The following NFIA variants were observed in gnomAD, a reference collection of about 807,000 sequenced individuals.
The protein encoded by NFIA is nuclear factor I A.
Under a neutral mutation model 62.8 loss-of-function variants are expected in NFIA, and 8 were observed. That is an observed-to-expected ratio of 0.13 (90% CI 0.07 to 0.23). The LOEUF is 0.23. Ranked by LOEUF, NFIA falls within the 10% of genes least tolerant of loss-of-function variation. NFIA has a pLI of 1.00. For missense variants in NFIA, 410 were observed against 642.1 expected, an observed-to-expected ratio of 0.64 and a Z score of 3.91; for synonymous variants, 235 against 238.1, an observed-to-expected ratio of 0.99 and a Z score of 0.12.
At chr1:61,093,777 G>C (rs942719245) in intron 2 of NFIA, among the ~76,000 whole-genome samples, 7 of 152,220 alleles carry the variant, frequency 4.6e-5, no homozygotes, top group African/African-American at 1.4e-4. Context: ...CTAAGAGGTT[G>C]AGTGTGTTGG....
At chr1:61,279,475 A>ATT (rs1280933130) in intron 3 of NFIA, among the ~76,000 whole-genome samples, 1 of 150,248 alleles carries the variant, frequency 6.7e-6, no homozygotes, top group Admixed American at 6.6e-5. Flanking sequence ...TTTTGTTGAC[A>ATT]TTTTAAAGAG....
Position 61,461,753 on chromosome 1 carries a change from C to G in NFIA, c.*6433C>G, listed in dbSNP as rs1668538941. 6.6e-6 allele frequency: 1 copy of G among 152,322 alleles called. No homozygotes were observed. Among genetic ancestry groups the G allele is most frequent in the African/African-American group, 2.4e-5 (1 of 41,576 alleles). The allele number at this position is 152,322 out of a possible 1,614,324, so 9.4% of individuals were successfully genotyped here. On this transcript the variant is annotated 3_prime_UTR_variant, in exon 11 of 11. Coordinates refer to ENST00000403491, the MANE Select transcript of NFIA (RefSeq NM_001134673.4). The stretch of plus-strand genomic sequence containing the variant: ...ACTTTCCCAAAATGTGTCTGAACCA[C>G]AAGAGCATACAGTGGAAGTGCTACC...
rs1332662105 is a variant in NFIA at position 61,196,919 on chromosome 1, G to A, written c.560-80601G>A. 3.5e-5 allele frequency among the ~76,000 whole-genome samples: 5 copies of A among 143,382 alleles called. No individual in the cohort carries two copies. In the South Asian group the frequency reaches 6.4e-4, roughly 18 times the overall value. 94.1% of individuals were successfully genotyped at this position (143,382 alleles called of 152,430 possible). A position where few individuals can be genotyped will look rare whatever the true frequency, so the allele number is the denominator to read the frequency against. Reference sequence around the variant, plus strand: ...AAGGAGTGTGTGTGTGTGTGTGTGTGTGTGTGTGTGTGTGTGTGTGTGCGC... The same window carrying A: ...AAGGAGTGTGTGTGTGTGTGTGTGTATGTGTGTGTGTGTGTGTGTGTGCGC... On this transcript the variant is annotated intron_variant, in intron 2 of 10. Coordinates refer to ENST00000403491, the MANE Select transcript of NFIA (RefSeq NM_001134673.4).
chr1:61,312,674 T>C (rs564094419), intron 3 of NFIA, among the ~76,000 whole-genome samples: 2 of 152,172 alleles, frequency 1.3e-5, no homozygotes, highest in Admixed American at 1.3e-4. Context: ...TAATTGTTTG[T>C]ATTTTTTATT....
At chr1:61,358,339 AG>A (rs1663074166) in intron 5 of NFIA, among the ~76,000 whole-genome samples, 2 of 143,394 alleles carry the variant, frequency 1.4e-5, no homozygotes, top group Non-Finnish European at 3.1e-5. Context: ...AGAAAAAAAA[AG>A]CAATCCAAAC....
intron 1 of NFIA, among the ~76,000 whole-genome samples, chr1:61,083,781 A>ACCACCG (rs1432211357): frequency 4.7e-5 from 7 of 149,724 alleles, no homozygotes; most frequent in East Asian, 2.0e-4. Flanking sequence ...CGCCACCACC[A>ACCACCG]CCACCGCCAC....
chr1:61,091,851 T>G (rs1415307676), intron 2 of NFIA, among the ~76,000 whole-genome samples: 1 of 148,472 alleles, frequency 6.7e-6, no homozygotes, highest in Non-Finnish European at 1.5e-5. Context: ...GAGTTGTTGT[T>G]TTTTTTTTTT....
At chr1:61,407,331 G>C (rs991496097) in intron 9 of NFIA, among the ~76,000 whole-genome samples, 1 of 152,156 alleles carries the variant, frequency 6.6e-6, no homozygotes, top group African/African-American at 2.4e-5. Flanking sequence ...GAGTAGGATG[G>C]AAGGAGGAGA....
At chr1:61,375,880 CCT>C (rs1385260074) in intron 6 of NFIA, among the ~76,000 whole-genome samples, 1 of 152,158 alleles carries the variant, frequency 6.6e-6, no homozygotes, top group African/African-American at 2.4e-5. Context: ...CACCATTTCC[CCT>C]GTTTCTTCAC....
chr1:61,186,119 T>C (rs1405315905), intron 2 of NFIA, among the ~76,000 whole-genome samples: 1 of 152,196 alleles, frequency 6.6e-6, no homozygotes, highest in East Asian at 1.9e-4. Flanking sequence ...AGAATTGTAT[T>C]ATAAAATACA....
intron 5 of NFIA, among the ~76,000 whole-genome samples, chr1:61,355,784 G>A (rs1026467711): frequency 9.2e-5 from 14 of 152,130 alleles, no homozygotes; most frequent in Middle Eastern, 3.4e-3. Context: ...ACAAGGTCTC[G>A]CTATGTTGCC....
intron 3 of NFIA, among the ~76,000 whole-genome samples, chr1:61,285,613 T>TC (rs1658437146): frequency 6.6e-6 from 1 of 152,136 alleles, no homozygotes; most frequent in African/African-American, 2.4e-5. Flanking sequence ...GCAACTCTTT[T>TC]CCCCCTGGCA....
In NFIA at chr1:61,455,702, C is replaced by G. The variant is rs1447698072; in HGVS notation, c.*382C>G. ...CTTTCCTTACGGAGCCTGGCTGTTT[C>G]ACAGTATTTCATGAATTTACCCACA... On this transcript the variant is annotated 3_prime_UTR_variant, in exon 11 of 11. Transcript: ENST00000403491. 1.1e-5 allele frequency: 3 copies of G among 283,542 alleles called. No individual in the cohort carries two copies. Among genetic ancestry groups the G allele is most frequent in the Non-Finnish European group, 6.5e-6 (1 of 154,346 alleles). 17.6% of individuals were successfully genotyped at this position (283,542 alleles called of 1,614,324 possible).
intron 2 of NFIA, among the ~76,000 whole-genome samples, chr1:61,193,033 C>T (rs752689117): frequency 1.3e-5 from 2 of 152,176 alleles, no homozygotes; most frequent in Non-Finnish European, 2.9e-5. Flanking sequence ...TTCTTAAACT[C>T]CTCTGTTAAA....
chr1:61,104,634 C>A (rs1646565045), intron 2 of NFIA, among the ~76,000 whole-genome samples: 1 of 151,976 alleles, frequency 6.6e-6, no homozygotes. Flanking sequence ...TAGGCGTGTT[C>A]ATTATCAAAA....
intron 2 of NFIA, among the ~76,000 whole-genome samples, chr1:61,246,136 A>G (rs1045705022): frequency 2.6e-5 from 4 of 152,206 alleles, no homozygotes; most frequent in African/African-American, 9.7e-5. Context: ...TTTTATTTCG[A>G]AGATATGAAT....
chr1:61,094,120 A>G (rs746004944), intron 2 of NFIA, among the ~76,000 whole-genome samples: 5 of 152,248 alleles, frequency 3.3e-5, no homozygotes, highest in Non-Finnish European at 7.3e-5. Context: ...AGTTCAGTGA[A>G]TGTGCTAAAC....
At chr1:61,209,657 C>G (rs1221856118) in intron 2 of NFIA, among the ~76,000 whole-genome samples, 4 of 138,244 alleles carry the variant, frequency 2.9e-5, no homozygotes, top group Middle Eastern at 6.9e-3. Context: ...TACCCCATCT[C>G]TATGAAAAAT....
In NFIA at chr1:61,258,738, T is replaced by A. The variant is rs558034613; in HGVS notation, c.560-18782T>A. 8.6e-5 allele frequency among the ~76,000 whole-genome samples: 13 copies of A among 151,916 alleles called. No homozygotes were observed. The East Asian group carries it at 1.9e-3, about 23-fold the overall frequency. ...ATAATAGGAAATGTGGTTTTTTTTT[T>A]ATTTTTTTGAAACAGGGTCTCACTT... is the stretch of plus-strand genomic sequence containing the variant. On this transcript the variant is annotated intron_variant, in intron 2 of 10. Coordinates refer to ENST00000403491, the MANE Select transcript of NFIA (RefSeq NM_001134673.4).
Sources: allele counts gnomAD v4.1 joint callset (sites outside exome capture counted in the v4.1 genomes callset), GRCh38; gene constraint gnomAD v4.1.1; transcripts MANE v1.5; gene names NCBI Gene and HGNC (gene_info 2026-07-23, HGNC 2026-07-21).